FILIP1L: variants seen among roughly 807,000 people sequenced by gnomAD.
The protein encoded by FILIP1L is filamin A-interacting protein 1-like.
Under a neutral mutation model 96.6 loss-of-function variants are expected in FILIP1L, and 55 were observed. The observed-to-expected ratio is 0.57, with a 90% CI of 0.46 to 0.71. The LOEUF (loss-of-function observed/expected upper bound fraction) is 0.71. FILIP1L is among the 30% of genes least tolerant of loss of function. The pLI is 0.00. For synonymous variants in FILIP1L, 467 were observed against 473.9 expected, an observed-to-expected ratio of 0.99 and a Z score of 0.19; for missense variants, 1,304 against 1,321.2, an observed-to-expected ratio of 0.99 and a Z score of 0.20.
chr3:99,910,659 T>G lies in FILIP1L; in HGVS notation c.605+13571A>C, dbSNP rs1207890259. 1.5e-5 allele frequency among the ~76,000 whole-genome samples: 2 copies of G among 136,818 alleles called. 1 individual carries two copies. The highest frequency in any genetic ancestry group is 3.3e-5 in the Non-Finnish European group (2 of 59,840). 89.8% of individuals were successfully genotyped at this position (136,818 alleles called of 152,430 possible). ...TATAATTCTAACTATTATCTCCATA[T>G]GTAAATAAACATTTTATGGGGTTTA... is the stretch of plus-strand genomic sequence containing the variant. On this transcript the variant is annotated intron_variant, in intron 4 of 5. Transcript: ENST00000477258.
intron 1 of FILIP1L, among the ~76,000 whole-genome samples, chr3:99,994,348 G>T (rs1038392030): frequency 3.3e-5 from 5 of 152,114 alleles, no homozygotes; most frequent in African/African-American, 1.2e-4. Flanking sequence ...AAGTAACAAA[G>T]AAATATTGGA....
intron 1 of FILIP1L, among the ~76,000 whole-genome samples, chr3:99,996,420 A>G (rs1052937337): frequency 6.6e-6 from 1 of 152,140 alleles, no homozygotes; most frequent in Admixed American, 6.5e-5. Flanking sequence ...CAACTTTCCC[A>G]CATTTTCCTG....
chr3:99,962,831 C>A (rs1439920227), intron 1 of FILIP1L, among the ~76,000 whole-genome samples: 1 of 152,170 alleles, frequency 6.6e-6, no homozygotes, highest in African/African-American at 2.4e-5. Flanking sequence ...AGATTTAAGT[C>A]ATAGATGAAG....
intron 1 of FILIP1L, among the ~76,000 whole-genome samples, chr3:100,093,319 T>C (rs2066145488): frequency 6.6e-6 from 1 of 152,060 alleles, no homozygotes; most frequent in South Asian, 2.1e-4. Context: ...TTAGAAAAAG[T>C]CAGATAATCC....
At chr3:99,859,769 T>G (rs916135385) in intron 4 of FILIP1L, among the ~76,000 whole-genome samples, 2 of 832 alleles carry the variant, frequency 2.4e-3, no homozygotes, top group Non-Finnish European at 0.059. Flanking sequence ...TTATTTGAGA[T>G]AAATTTTGGT....
At chr3:99,956,671 A>G (rs1205781763) in intron 1 of FILIP1L, among the ~76,000 whole-genome samples, 1 of 152,188 alleles carries the variant, frequency 6.6e-6, no homozygotes, top group Non-Finnish European at 1.5e-5. Flanking sequence ...TTTGGATCAT[A>G]AGCATCGCCT....
chr3:99,843,443 G>A (rs1276347186), intron 5 of FILIP1L, among the ~76,000 whole-genome samples: 1 of 152,158 alleles, frequency 6.6e-6, no homozygotes, highest in Non-Finnish European at 1.5e-5. Context: ...CTAGAGGGTA[G>A]AATAGCCACA....
chr3:100,078,071 C>T lies in FILIP1L; in HGVS notation c.-11+35982G>A, dbSNP rs575057374. Among the ~76,000 whole-genome samples, 169 of 150,080 alleles carry T rather than the reference C, an allele frequency of 1.1e-3. 1 individual carries two copies. The highest frequency in any genetic ancestry group is 1.8e-3 in the Non-Finnish European group (119 of 67,674). Reference sequence around the variant, plus strand: ...ATCCTATTTATAAGTTAGAATTGGGCTTGCTTTAAAAAAAAAAAAGATAAT... The same window carrying T: ...ATCCTATTTATAAGTTAGAATTGGGTTTGCTTTAAAAAAAAAAAAGATAAT... On this transcript the variant is annotated intron_variant, in intron 1 of 5. Transcript: ENST00000477258.
intron 4 of FILIP1L, among the ~76,000 whole-genome samples, chr3:99,888,897 T>A (rs1009615370): frequency 6.6e-6 from 1 of 152,186 alleles, no homozygotes; most frequent in East Asian, 1.9e-4. Context: ...TGTTTAGAAT[T>A]GTGCTTCTTA....
chr3:99,955,043 A>G (rs1708280522), intron 1 of FILIP1L, among the ~76,000 whole-genome samples: 1 of 152,208 alleles, frequency 6.6e-6, no homozygotes, highest in Non-Finnish European at 1.5e-5. Flanking sequence ...ATGAAAGGGT[A>G]TCTTCTCTCA....
intron 1 of FILIP1L, among the ~76,000 whole-genome samples, chr3:100,001,927 G>A (rs1369715441): frequency 6.6e-6 from 1 of 152,106 alleles, no homozygotes; most frequent in Non-Finnish European, 1.5e-5. Context: ...CGCCTATGAG[G>A]GAAGCACAAT....
Position 99,849,560 on chromosome 3 carries a change from G to C in FILIP1L, c.2116C>G (p.Gln706Glu), listed in dbSNP as rs762750163. 4 of 1,613,278 alleles carry C rather than the reference G, an allele frequency of 2.5e-6. No homozygotes were observed. Among genetic ancestry groups the C allele is most frequent in the Non-Finnish European group, 3.4e-6 (4 of 1,179,920 alleles). ...SHEQWLFKRL[Q>E]EEEAKSGHLS... Reference sequence around the variant, plus strand: ...TGCCCTGACTTAGCTTCTTCTTCTTGAAGCCTTTTGAAAAGCCATTGTTCA... The same window carrying C: ...TGCCCTGACTTAGCTTCTTCTTCTTCAAGCCTTTTGAAAAGCCATTGTTCA... Residue 706 changes from glutamine to glutamate, a missense_variant, in exon 5 of 6, where the codon CAA becomes GAA. Gln to Glu is a conservative substitution (Grantham distance 29). Coordinates refer to ENST00000477258, the MANE Select transcript of FILIP1L (RefSeq NM_001387850.1).
chr3:100,095,305 A>G (rs1440914183), intron 1 of FILIP1L, among the ~76,000 whole-genome samples: 1 of 152,190 alleles, frequency 6.6e-6, no homozygotes, highest in African/African-American at 2.4e-5. Context: ...CATTAACACT[A>G]TATATCAATT....
chr3:99,899,757 G>T (rs1706376545), intron 4 of FILIP1L, among the ~76,000 whole-genome samples: 1 of 152,130 alleles, frequency 6.6e-6, no homozygotes, highest in South Asian at 2.1e-4. Flanking sequence ...AACTCCCAGG[G>T]TGATGAACCA....
chr3:99,895,914 C>T (rs941387903), intron 4 of FILIP1L, among the ~76,000 whole-genome samples: 1 of 152,142 alleles, frequency 6.6e-6, no homozygotes, highest in Non-Finnish European at 1.5e-5. Context: ...GACAAAGGAA[C>T]CCATCATCTA....
chr3:99,952,926 G>A (rs62283534), intron 1 of FILIP1L, among the ~76,000 whole-genome samples: 2 of 152,140 alleles, frequency 1.3e-5, no homozygotes, highest in African/African-American at 2.4e-5. Flanking sequence ...GCAATGGATT[G>A]TAGATAGTTT....
intron 1 of FILIP1L, among the ~76,000 whole-genome samples, chr3:100,002,258 CTCTTT>C (rs1709864602): frequency 6.6e-6 from 1 of 152,192 alleles, no homozygotes; most frequent in African/African-American, 2.4e-5. Flanking sequence ...GTTAGAGCAT[CTCTTT>C]TAAGTTATGA....
At chr3:99,999,402 T>C (rs1709778226) in intron 1 of FILIP1L, among the ~76,000 whole-genome samples, 1 of 152,140 alleles carries the variant, frequency 6.6e-6, no homozygotes, top group Non-Finnish European at 1.5e-5. Flanking sequence ...TAGTTGTATT[T>C]TGGATGGATG....
At chr3:99,841,422 G>GT (rs1433317947) in intron 5 of FILIP1L, among the ~76,000 whole-genome samples, 3 of 152,108 alleles carry the variant, frequency 2.0e-5, no homozygotes, top group African/African-American at 7.2e-5. Context: ...TCCCTCTATT[G>GT]TTTAGACCTT....
Sources: allele counts gnomAD v4.1 joint callset (sites outside exome capture counted in the v4.1 genomes callset), GRCh38; gene constraint gnomAD v4.1.1; transcripts MANE v1.5; gene names NCBI Gene and HGNC (gene_info 2026-07-23, HGNC 2026-07-21).